The following ADGRB3 variants were observed in gnomAD, a reference collection of about 807,000 sequenced individuals.
The protein encoded by ADGRB3 is adhesion G protein-coupled receptor B3.
A neutral mutation model predicts 193.4 loss-of-function variants in ADGRB3; 37 were observed. That is an observed-to-expected ratio of 0.19 (90% CI 0.15 to 0.25). The LOEUF (loss-of-function observed/expected upper bound fraction) is 0.25. Ranked by LOEUF, ADGRB3 falls within the 10% of genes least tolerant of loss-of-function variation. The pLI is 1.00. For synonymous variants in ADGRB3, 690 were observed against 644.2 expected, an observed-to-expected ratio of 1.07 and a Z score of -1.08; for missense variants, 1,637 against 1,852.9, an observed-to-expected ratio of 0.88 and a Z score of 2.14.
At chr6:69,230,513 A>G (rs1043427483) in intron 17 of ADGRB3, among the ~76,000 whole-genome samples, 11 of 152,236 alleles carry the variant, frequency 7.2e-5, no homozygotes, top group Admixed American at 5.9e-4. Flanking sequence ...ATGCTTTCAA[A>G]GAATTTTTTA....
At chr6:68,781,985 T>C (rs1222066150) in intron 3 of ADGRB3, among the ~76,000 whole-genome samples, 2 of 152,074 alleles carry the variant, frequency 1.3e-5, no homozygotes, top group African/African-American at 4.8e-5. Flanking sequence ...TTTATTTTTA[T>C]TATACTTTAA....
At chr6:69,210,709 C>T (rs887577295) in intron 17 of ADGRB3, among the ~76,000 whole-genome samples, 1 of 152,078 alleles carries the variant, frequency 6.6e-6, no homozygotes, top group Non-Finnish European at 1.5e-5. Context: ...CTTAAAGGTC[C>T]CATCTCTCAA....
chr6:68,692,167 C>T (rs1765087159), intron 3 of ADGRB3, among the ~76,000 whole-genome samples: 1 of 151,892 alleles, frequency 6.6e-6, no homozygotes, highest in Non-Finnish European at 1.5e-5. Context: ...AATGTATTCC[C>T]TAGAAAATTT....
intron 3 of ADGRB3, among the ~76,000 whole-genome samples, chr6:68,711,310 C>T (rs1765405302): frequency 6.6e-6 from 1 of 152,046 alleles, no homozygotes; most frequent in African/African-American, 2.4e-5. Flanking sequence ...AACTGATTTC[C>T]AATCTCTATT....
At chr6:69,166,043 C>CCGTT (rs1775125416) in intron 17 of ADGRB3, among the ~76,000 whole-genome samples, 1 of 152,070 alleles carries the variant, frequency 6.6e-6, no homozygotes, top group Admixed American at 6.6e-5. Flanking sequence ...ACTACTCTTA[C>CCGTT]CGTTGTACTC....
chr6:68,811,225 C>T (rs975854930), intron 3 of ADGRB3, among the ~76,000 whole-genome samples: 16 of 152,076 alleles, frequency 1.1e-4, no homozygotes, highest in African/African-American at 3.9e-4. Context: ...TTTTAAGCCA[C>T]AGTTTTTATC....
chr6:68,874,952 C>T (rs913827240), intron 3 of ADGRB3, among the ~76,000 whole-genome samples: 1 of 152,200 alleles, frequency 6.6e-6, no homozygotes, highest in Non-Finnish European at 1.5e-5. Flanking sequence ...AGCTGTGCCT[C>T]ACTGATATCC....
intron 30 of ADGRB3, among the ~76,000 whole-genome samples, chr6:69,380,277 C>T (rs1387933104): frequency 6.6e-6 from 1 of 151,920 alleles, no homozygotes; most frequent in African/African-American, 2.4e-5. Context: ...AATAATTCAC[C>T]TCTTGGCCAG....
chr6:68,806,333 C>A (rs1007757342), intron 3 of ADGRB3, among the ~76,000 whole-genome samples: 1 of 152,078 alleles, frequency 6.6e-6, no homozygotes, highest in Non-Finnish European at 1.5e-5. Flanking sequence ...TGTGTATTCA[C>A]ATATTGCCAG....
intron 15 of ADGRB3, among the ~76,000 whole-genome samples, chr6:69,055,771 C>A (rs1200355732): frequency 2.0e-5 from 3 of 152,202 alleles, no homozygotes; most frequent in East Asian, 3.9e-4. Flanking sequence ...TTTCCCACAT[C>A]CTTGTCAACA....
chr6:69,060,220 T>TTCTCTGTCTCTC (rs1554255600), intron 15 of ADGRB3, among the ~76,000 whole-genome samples: 17 of 129,552 alleles, frequency 1.3e-4, no homozygotes, highest in African/African-American at 5.3e-4. Context: ...CTCTCTCTCT[T>TTCTCTGTCTCTC]TCTCTCTCTC....
intron 17 of ADGRB3, 192 bp from the exon 18 acceptor site, chr6:69,233,097 CT>C (rs1407249722): frequency 8.8e-6 from 7 of 796,394 alleles, no homozygotes; most frequent in East Asian, 5.9e-5. Context: ...CGCCTGCTTG[CT>C]TTTTCCCACT....
In ADGRB3 at chr6:69,253,418, C is replaced by G. The variant is rs560213742; in HGVS notation, c.2814+14192C>G. 5.3e-5 allele frequency among the ~76,000 whole-genome samples: 8 copies of G among 152,048 alleles called. 1 individual carries two copies. The highest frequency in any genetic ancestry group is 1.7e-4 in the African/African-American group (7 of 41,528). ...TAATTTAGGTAGGGACCAATATATT[C>G]TTTTGATAACTTATTAATCATCTAA... On this transcript the variant is annotated intron_variant, in intron 20 of 31. Coordinates refer to ENST00000370598, the MANE Select transcript of ADGRB3 (RefSeq NM_001704.3).
At chr6:69,074,537 CTT>C (rs956596624) in intron 16 of ADGRB3, among the ~76,000 whole-genome samples, 6 of 115,878 alleles carry the variant, frequency 5.2e-5, no homozygotes, top group Admixed American at 8.8e-5. Flanking sequence ...CAGGACTGTA[CTT>C]TTTTTTTTTT....
Position 68,751,825 on chromosome 6 carries a change from GC to G in ADGRB3, c.757+112394del, listed in dbSNP as rs551187452. Reference sequence around the variant, plus strand: ...ATACTGTAATTATTTTAATTAATAAGCATATGTGGTTATTTATTGAGCATAA... The same window carrying G: ...ATACTGTAATTATTTTAATTAATAAGATATGTGGTTATTTATTGAGCATAA... On this transcript the variant is annotated intron_variant, in intron 3 of 31. Transcript: ENST00000370598. 1.3e-3 allele frequency among the ~76,000 whole-genome samples: 201 copies of G among 152,228 alleles called. No individual in the cohort carries two copies. In the Middle Eastern group the frequency reaches 0.014, roughly 10 times the overall value.
rs180903892 is a variant in ADGRB3, at chr6:69,076,444, A to T, written c.2480+406A>T. On this transcript the variant is annotated intron_variant, in intron 17 of 31. Coordinates refer to ENST00000370598, the MANE Select transcript of ADGRB3 (RefSeq NM_001704.3). ...TTACTCACATGACCTTGAATCTATT[A>T]TCAGAGTAATGCAATATTTATATGG... Among the ~76,000 whole-genome samples, 153 of 152,212 alleles carry T rather than the reference A, an allele frequency of 1.0e-3. 1 individual carries two copies. Among genetic ancestry groups the T allele is most frequent in the African/African-American group, 3.6e-3 (150 of 41,562 alleles).
At chr6:68,802,279 A>G (rs1767327692) in intron 3 of ADGRB3, among the ~76,000 whole-genome samples, 1 of 151,878 alleles carries the variant, frequency 6.6e-6, no homozygotes, top group South Asian at 2.1e-4. Flanking sequence ...GAGTAGGTGG[A>G]TTAATTTTAT....
intron 4 of ADGRB3, 90 bp downstream of exon 4, chr6:68,930,759 G>T: frequency 4.9e-6 from 5 of 1,011,068 alleles, no homozygotes; most frequent in Non-Finnish European, 5.6e-6. Context: ...ACATTTGTCA[G>T]TTTTTGGAGC....
At chr6:69,065,796 C>CAT (rs1562144200) in intron 16 of ADGRB3, among the ~76,000 whole-genome samples, 1 of 151,154 alleles carries the variant, frequency 6.6e-6, no homozygotes, top group Non-Finnish European at 1.5e-5. Context: ...CACACACACA[C>CAT]ACATATGTAC....
Sources: gnomAD v4.1 joint callset for allele counts (sites outside exome capture counted in the v4.1 genomes callset) on GRCh38, gnomAD v4.1.1 for gene constraint, MANE v1.5 for transcripts, NCBI Gene and HGNC (gene_info 2026-07-23, HGNC 2026-07-21) for gene names.